The following LARP1B variants were observed in gnomAD, a reference collection of about 807,000 sequenced individuals.
LARP1B encodes La ribonucleoprotein 1B, also known as la-related protein 1B.
In LARP1B, 76 loss-of-function variants were observed where a neutral mutation model predicts 114.2. The observed-to-expected ratio is 0.67, with a 90% CI of 0.55 to 0.81. The LOEUF is 0.81. Among genes scored for constraint, LARP1B ranks in the 30% least tolerant of loss-of-function variants. The pLI, the probability that LARP1B is intolerant of heterozygous loss-of-function variation, is 0.00. For missense variants in LARP1B, 1,014 were observed against 1,075.8 expected, an observed-to-expected ratio of 0.94 and a Z score of 0.80; for synonymous variants, 345 against 348.0, an observed-to-expected ratio of 0.99 and a Z score of 0.10.
rs369019229 is a variant in LARP1B, at chr4:128,178,563, G to A, written c.1817G>A (p.Arg606Gln). 4 of 1,613,832 alleles carry A rather than the reference G, an allele frequency of 2.5e-6. No homozygotes were observed. The highest frequency in any genetic ancestry group is 3.4e-6 in the Non-Finnish European group (4 of 1,179,948). The change falls in exon 14 of 20, where the codon CGA becomes CAA. Residue 606 changes from arginine to glutamine, a missense_variant. By Grantham distance (43) the Arg-to-Gln change is conservative. Coordinates refer to ENST00000326639, the MANE Select transcript of LARP1B (RefSeq NM_018078.4). ...IHPTRTPKTPRTPRLQDPNKT... is the reference protein window; with the variant it reads ...IHPTRTPKTPQTPRLQDPNKT... The stretch of plus-strand genomic sequence containing the variant: ...CCTACAAGAACACCCAAAACACCTC[G>A]AACACCTAGGTTACAAGATCCTAAC...
intron 11 of LARP1B, among the ~76,000 whole-genome samples, chr4:128,129,861 A>T (rs1791002114): frequency 1.3e-5 from 2 of 152,224 alleles, no homozygotes; most frequent in Non-Finnish European, 1.5e-5. Context: ...CAGAAAAATT[A>T]AAGTGGACGG....
chr4:128,150,099 C>T (rs530184254), intron 11 of LARP1B, among the ~76,000 whole-genome samples: 24 of 152,006 alleles, frequency 1.6e-4, no homozygotes, highest in Non-Finnish European at 2.6e-4. Flanking sequence ...TGCAGTGAGC[C>T]GAGATCGTGC....
chr4:128,196,425 G>A (rs1338458971), intron 15 of LARP1B, among the ~76,000 whole-genome samples: 1 of 151,614 alleles, frequency 6.6e-6, no homozygotes, highest in African/African-American at 2.4e-5. Flanking sequence ...AGGCTGAGGT[G>A]GGAGGATTGC....
chr4:128,075,014 T>G, intron 3 of LARP1B, 21 bp downstream of exon 3: 2 of 1,543,012 alleles, frequency 1.3e-6, no homozygotes, highest in East Asian at 2.2e-5. Context: ...TTTTAAAGTT[T>G]TTTTTTTTAA....
At position 128,206,518 on chromosome 4, in the gene LARP1B, C is replaced by A. The variant is rs1554066319; in HGVS notation, c.2400C>A (p.Thr800=). The change falls in exon 18 of 20, where the codon ACC becomes ACA. Residue 800 remains threonine, a synonymous_variant. Coordinates refer to ENST00000326639, the MANE Select transcript of LARP1B (RefSeq NM_018078.4). ...TTTTTCAGGATTTCCAAGAAGAAACCAAAAAAGACTACGAATCTGGTAACA... is the reference window on the plus strand; with the variant it reads ...TTTTTCAGGATTTCCAAGAAGAAACAAAAAAAGACTACGAATCTGGTAACA... ...REIFQDFQEE[T]KKDYESGQLY... is the part of the protein sequence containing the mutation. 1.2e-6 allele frequency: 2 copies of A among 1,609,262 alleles called. No individual in the cohort carries two copies. Among genetic ancestry groups the A allele is most frequent in the Non-Finnish European group, 1.7e-6 (2 of 1,178,260 alleles).
At chr4:128,156,926 A>G (rs1314397260) in intron 11 of LARP1B, among the ~76,000 whole-genome samples, 1 of 150,616 alleles carries the variant, frequency 6.6e-6, no homozygotes, top group Non-Finnish European at 1.5e-5. Context: ...TAAGGCTGGC[A>G]TTTGGGTCTT....
intron 11 of LARP1B, among the ~76,000 whole-genome samples, chr4:128,157,187 TA>T (rs1736201991): frequency 6.6e-6 from 1 of 152,134 alleles, no homozygotes; most frequent in Non-Finnish European, 1.5e-5. Context: ...CCAGAAACTT[TA>T]AAAAATAATC....
At chr4:128,186,990 G>C (rs1004492461) in intron 15 of LARP1B, among the ~76,000 whole-genome samples, 1 of 152,228 alleles carries the variant, frequency 6.6e-6, no homozygotes, top group Non-Finnish European at 1.5e-5. Context: ...GAATGCAAGA[G>C]TTGAGGCTTG....
intron 11 of LARP1B, among the ~76,000 whole-genome samples, chr4:128,136,334 AAAC>A (rs756645694): frequency 9.9e-5 from 15 of 150,826 alleles, no homozygotes; most frequent in Non-Finnish European, 1.9e-4. Flanking sequence ...AAAAACAAAA[AAAC>A]AAAACAAAAA....
chr4:128,087,761 C>T (rs1774207092), intron 5 of LARP1B, among the ~76,000 whole-genome samples: 1 of 152,098 alleles, frequency 6.6e-6, no homozygotes, highest in Non-Finnish European at 1.5e-5. Context: ...AGCCTGTAGT[C>T]CCAGCTACTT....
At chr4:128,081,096 G>A (rs1019854773) in intron 4 of LARP1B, among the ~76,000 whole-genome samples, 2 of 86,230 alleles carry the variant, frequency 2.3e-5, no homozygotes, top group Non-Finnish European at 4.7e-5. Context: ...TTTTTTTTTT[G>A]AGACAGACTC....
At chr4:128,217,845 A>T (rs1346159972) in intron 6 of LARP1B, among the ~76,000 whole-genome samples, 1 of 149,792 alleles carries the variant, frequency 6.7e-6, no homozygotes, top group Non-Finnish European at 1.5e-5. Context: ...GAAAAGAGGA[A>T]GTCAAATTAC....
intron 11 of LARP1B, among the ~76,000 whole-genome samples, chr4:128,129,159 T>G (rs1421500175): frequency 1.4e-5 from 1 of 72,396 alleles, no homozygotes; most frequent in East Asian, 5.3e-4. Context: ...AGCGAGACTC[T>G]GTCTCAAAAA....
intron 12 of LARP1B, among the ~76,000 whole-genome samples, chr4:128,176,187 A>T (rs1745930001): frequency 7.4e-6 from 1 of 135,868 alleles, no homozygotes; most frequent in Admixed American, 8.0e-5. Context: ...TAAATATATA[A>T]ATATATTTTT....
At chr4:128,216,969 C>T (rs200417605), downstream of LARP1B, among the ~76,000 whole-genome samples, 92,298 of 150,548 alleles carry the variant, frequency 0.61, 30,076 homozygotes, top group Middle Eastern at 0.82. Context: ...ATATCACCAC[C>T]GATCCCACAG....
At chr4:128,166,964 CTCTCTCTATATATA>C (rs1561470681) in intron 12 of LARP1B, among the ~76,000 whole-genome samples, 1 of 96,622 alleles carries the variant, frequency 1.0e-5, no homozygotes, top group Non-Finnish European at 2.0e-5. Context: ...CTCTCTCTCT[CTCTCTCTATATATA>C]TATATATATA....
At chr4:128,104,698 G>A (rs1057498072) in intron 8 of LARP1B, among the ~76,000 whole-genome samples, 3 of 151,206 alleles carry the variant, frequency 2.0e-5, no homozygotes, top group East Asian at 1.9e-4. Context: ...CACTCACCTC[G>A]GCCTCCCAAA....
intron 12 of LARP1B, among the ~76,000 whole-genome samples, chr4:128,174,816 G>A (rs1381929543): frequency 6.6e-6 from 1 of 151,946 alleles, no homozygotes; most frequent in Non-Finnish European, 1.5e-5. Flanking sequence ...GAGGACTTAC[G>A]AAACAAGTAT....
At chr4:128,198,733 A>G (rs975394204) in intron 15 of LARP1B, among the ~76,000 whole-genome samples, 3 of 152,214 alleles carry the variant, frequency 2.0e-5, no homozygotes, top group African/African-American at 7.2e-5. Flanking sequence ...ATTTAGATAA[A>G]TGTTTTAGGA....
Sources: allele counts gnomAD v4.1 joint callset (sites outside exome capture counted in the v4.1 genomes callset), GRCh38; gene constraint gnomAD v4.1.1; transcripts MANE v1.5; gene names NCBI Gene and HGNC (gene_info 2026-07-23, HGNC 2026-07-21).